STXBP5: variants seen among roughly 807,000 people sequenced by gnomAD.
STXBP5 encodes syntaxin-binding protein 5.
In STXBP5, 50 loss-of-function variants were observed where a neutral mutation model predicts 152.4. The observed-to-expected ratio is 0.33, with a 90% confidence interval of 0.26 to 0.42. The LOEUF (loss-of-function observed/expected upper bound fraction) is 0.42. Ranked by LOEUF, STXBP5 falls within the 10% of genes least tolerant of loss-of-function variation. The pLI is 1.00. For synonymous variants in STXBP5, 492 were observed against 494.7 expected (o/e 0.99, Z 0.07); for missense variants, 1,167 against 1,388.6 (o/e 0.84, Z 2.54).
intron 4 of STXBP5, among the ~76,000 whole-genome samples, chr6:147,255,846 T>A (rs1779333089): frequency 6.6e-6 from 1 of 152,144 alleles, no homozygotes; most frequent in Non-Finnish European, 1.5e-5. Context: ...TATAAGAAAG[T>A]TAGATTCTCA....
chr6:147,339,088 C>G, intron 19 of STXBP5, 91 bp from the exon 20 acceptor site: 2 of 1,101,622 alleles, frequency 1.8e-6, no homozygotes, highest in Non-Finnish European at 2.6e-6. Context: ...TTGAAAGTTA[C>G]CAGATTTTTT....
chr6:147,362,877 C>A (rs918990019), intron 23 of STXBP5, among the ~76,000 whole-genome samples: 1 of 152,148 alleles, frequency 6.6e-6, no homozygotes, highest in East Asian at 1.9e-4. Context: ...TTGAGTCTCA[C>A]CATGCGCTGC....
At chr6:147,328,673 C>A (rs368114361) in intron 18 of STXBP5, 1 of 466,898 alleles carries the variant, frequency 2.1e-6, no homozygotes, top group South Asian at 1.6e-5. Context: ...CCTTTTATTT[C>A]TTCCGCTTTT....
intron 13 of STXBP5, 99 bp downstream of exon 13, chr6:147,314,430 C>A: frequency 1.5e-6 from 2 of 1,317,196 alleles, no homozygotes; most frequent in Non-Finnish European, 2.2e-6. Context: ...TAGAGCTTTC[C>A]TTTATGTCGT....
At chr6:147,311,427 C>T (rs757055693) in intron 10 of STXBP5, 28 bp from the exon 11 acceptor site, 1 of 1,594,986 alleles carries the variant, frequency 6.3e-7, no homozygotes. Context: ...ATTTTTGAAA[C>T]TATAATTCAT....
At chr6:147,353,102 C>A (rs1784662516) in intron 21 of STXBP5, among the ~76,000 whole-genome samples, 1 of 152,114 alleles carries the variant, frequency 6.6e-6, no homozygotes, top group South Asian at 2.1e-4. Context: ...CTTGGTCACA[C>A]CACTGCACTC....
At chr6:147,264,076 T>TTA (rs907656190) in intron 6 of STXBP5, among the ~76,000 whole-genome samples, 15 of 150,582 alleles carry the variant, frequency 1.0e-4, no homozygotes, top group East Asian at 3.9e-4. Flanking sequence ...AGTAAATAAG[T>TTA]TATATATATA....
At chr6:147,340,956 G>A (rs1039464436) in intron 21 of STXBP5, among the ~76,000 whole-genome samples, 3 of 152,038 alleles carry the variant, frequency 2.0e-5, no homozygotes, top group Non-Finnish European at 4.4e-5. Flanking sequence ...ATATTTTGGG[G>A]AAAGCATGTT....
intron 9 of STXBP5, among the ~76,000 whole-genome samples, chr6:147,297,057 ATAG>A (rs1456807792): frequency 6.6e-6 from 1 of 152,200 alleles, no homozygotes; most frequent in Non-Finnish European, 1.5e-5. Context: ...ATTTAATGAA[ATAG>A]TAGCTGAAAA....
chr6:147,359,327 T>C lies in STXBP5; in HGVS notation c.2545+4T>C. ...CCAGTAATTGTGTCTCCAAGTGGTA[T>C]GTATTGCTGCTGCACTTAGAGTTAC... On this transcript the variant is annotated splice_donor_region_variant and intron_variant, in intron 23 of 27. Transcript: ENST00000321680. 1 of 1,610,798 alleles carries C rather than the reference T, an allele frequency of 6.2e-7. No homozygotes were observed. Among genetic ancestry groups the C allele is most frequent in the Non-Finnish European group, 8.5e-7 (1 of 1,177,414 alleles).
At chr6:147,344,938 A>G (rs1325208632) in intron 21 of STXBP5, among the ~76,000 whole-genome samples, 1 of 152,200 alleles carries the variant, frequency 6.6e-6, no homozygotes, top group Admixed American at 6.5e-5. Context: ...AAAAAAATTG[A>G]AGACAAAAGC....
chr6:147,347,651 G>A (rs922983021), intron 21 of STXBP5, among the ~76,000 whole-genome samples: 3 of 152,158 alleles, frequency 2.0e-5, no homozygotes, highest in African/African-American at 7.2e-5. Context: ...TCGTAGCTGA[G>A]AGCCAATATT....
At chr6:147,380,057 A>C in intron 26 of STXBP5, among the ~76,000 whole-genome samples, 1 of 151,686 alleles carries the variant, frequency 6.6e-6, no homozygotes, top group East Asian at 1.9e-4. Context: ...CAGTATCCAC[A>C]AATTGATCTA....
chr6:147,350,216 A>G (rs1046880078), intron 21 of STXBP5, among the ~76,000 whole-genome samples: 2 of 152,164 alleles, frequency 1.3e-5, no homozygotes, highest in Non-Finnish European at 2.9e-5. Flanking sequence ...TATTTTTTAC[A>G]TAATAAATTT....
chr6:147,292,111 G>A (rs1781304910), intron 9 of STXBP5: 1 of 336,020 alleles, frequency 3.0e-6, no homozygotes, highest in Middle Eastern at 4.3e-4. Context: ...TTGTATACCA[G>A]TTTATAACCA....
At chr6:147,285,998 CCTT>C (rs1159638240) in intron 8 of STXBP5, among the ~76,000 whole-genome samples, 2 of 152,142 alleles carry the variant, frequency 1.3e-5, no homozygotes, top group African/African-American at 2.4e-5. Flanking sequence ...AGCCAGCTGA[CCTT>C]CTTCAGAGCA....
chr6:147,280,843 A>G (rs1278174837), intron 8 of STXBP5, among the ~76,000 whole-genome samples: 2 of 152,180 alleles, frequency 1.3e-5, no homozygotes, highest in African/African-American at 4.8e-5. Context: ...ATGAAATATA[A>G]ATGGATTTTT....
intron 19 of STXBP5, among the ~76,000 whole-genome samples, chr6:147,335,494 A>G (rs998664646): frequency 9.2e-5 from 14 of 152,220 alleles, no homozygotes; most frequent in Admixed American, 2.6e-4. Context: ...ATTAAATACC[A>G]TGGGAGATGG....
chr6:147,330,739 G>C (rs1246228382), intron 18 of STXBP5, among the ~76,000 whole-genome samples: 1 of 152,142 alleles, frequency 6.6e-6, no homozygotes, highest in South Asian at 2.1e-4. Context: ...ATGAGGTATT[G>C]ATAATTTTAC....
Sources: gnomAD v4.1 joint callset for allele counts (sites outside exome capture counted in the v4.1 genomes callset) on GRCh38, gnomAD v4.1.1 for gene constraint, MANE v1.5 for transcripts, NCBI Gene and HGNC (gene_info 2026-07-23, HGNC 2026-07-21) for gene names.